Variants in GLIS3 observed in about 807,000 individuals in gnomAD.
The protein encoded by GLIS3 is GLIS family zinc finger 3, also known as zinc finger protein GLIS3.
GLIS3 carries 53 observed loss-of-function variants against 78.6 expected under a neutral mutation model. The ratio of observed to expected loss-of-function variants is 0.67; its 90% confidence interval spans 0.54 to 0.85. GLIS3 has a LOEUF of 0.85. Ranked by LOEUF, GLIS3 falls within the 40% of genes least tolerant of loss-of-function variation. The probability of loss-of-function intolerance (pLI) is 0.00; values close to 1 mark genes in which losing one functional copy is unlikely to be tolerated. For synonymous variants in GLIS3, 684 were observed against 509.9 expected (o/e 1.34, Z -4.60); for missense variants, 1,703 against 1,231.1 (o/e 1.38, Z -5.74).
chr9:4,093,399 A>C (rs1229999049), intron 4 of GLIS3, among the ~76,000 whole-genome samples: 1 of 152,226 alleles, frequency 6.6e-6, no homozygotes, highest in Non-Finnish European at 1.5e-5. Flanking sequence ...GAACCAAAGC[A>C]TGTGGAAGAC....
chr9:4,034,221 C>CA lies in GLIS3; in HGVS notation c.1710+83546dup, dbSNP rs1029017849. Among the ~76,000 whole-genome samples, 166 of 151,054 alleles carry CA rather than the reference C, an allele frequency of 1.1e-3. 3 individuals are homozygous for CA. Among genetic ancestry groups the CA allele is most frequent in the African/African-American group, 3.8e-3 (156 of 41,222 alleles). On this transcript the variant is annotated intron_variant, in intron 4 of 10. Transcript: ENST00000381971. ...TGGGCAACACAGTAGCACCTTGTCT[C>CA]AAAAAAAAGTCGTAACAGATCCCCA...
At chr9:3,920,723 A>T (rs1169073986) in intron 6 of GLIS3, among the ~76,000 whole-genome samples, 2 of 151,604 alleles carry the variant, frequency 1.3e-5, no homozygotes, top group Non-Finnish European at 2.9e-5. Context: ...TGTACACATG[A>T]GGAAATGAAA....
chr9:3,963,091 A>G (rs1817689000), intron 4 of GLIS3, among the ~76,000 whole-genome samples: 1 of 152,180 alleles, frequency 6.6e-6, no homozygotes, highest in East Asian at 1.9e-4. Context: ...GTATAATTAC[A>G]TGGTATAAAT....
the GLIS3 span, among the ~76,000 whole-genome samples, chr9:4,379,979 CT>C: frequency 0.97 from 147,661 of 152,254 alleles, 71,740 homozygotes; most frequent in East Asian, 1. Context: ...CCCAGGAGGA[CT>C]TGGGTTCCAA....
intron 2 of GLIS3, among the ~76,000 whole-genome samples, chr9:4,267,504 C>T (rs1291928564): frequency 1.3e-5 from 2 of 152,100 alleles, no homozygotes; most frequent in African/African-American, 4.8e-5. Flanking sequence ...CCCACAGTAC[C>T]CAAATATCTG....
At chr9:3,928,249 T>A (rs1272069337) in intron 6 of GLIS3, among the ~76,000 whole-genome samples, 1 of 152,134 alleles carries the variant, frequency 6.6e-6, no homozygotes, top group Non-Finnish European at 1.5e-5. Context: ...ATTACTAATA[T>A]TCTATTAATA....
chr9:3,923,208 C>G (rs573945935), intron 6 of GLIS3, among the ~76,000 whole-genome samples: 7 of 152,174 alleles, frequency 4.6e-5, no homozygotes, highest in Non-Finnish European at 1.0e-4. Context: ...CACATTACCA[C>G]TATAATTATC....
chr9:4,139,248 C>A (rs1030389502), intron 2 of GLIS3, among the ~76,000 whole-genome samples: 2 of 152,218 alleles, frequency 1.3e-5, no homozygotes, highest in African/African-American at 4.8e-5. Context: ...AATGGCAAAG[C>A]TGCCTCTGGG....
chr9:4,287,296 T>C (rs1471618011), intron 1 of GLIS3, among the ~76,000 whole-genome samples: 1 of 152,148 alleles, frequency 6.6e-6, no homozygotes, highest in Non-Finnish European at 1.5e-5. Flanking sequence ...AGTATGTACA[T>C]GATACATGAC....
At chr9:4,479,437 G>T in the GLIS3 span, among the ~76,000 whole-genome samples, 1,733 of 152,136 alleles carry the variant, frequency 0.011, 36 homozygotes, top group African/African-American at 0.039. Flanking sequence ...CTCAATTAGG[G>T]CTCAGGGCAT....
At chr9:4,398,495 A>G in the GLIS3 span, among the ~76,000 whole-genome samples, 4 of 151,832 alleles carry the variant, frequency 2.6e-5, no homozygotes, top group Non-Finnish European at 5.9e-5. Context: ...TGGACATTGC[A>G]TTGAGGGGGT....
At chr9:3,837,268 C>T (rs1818409037) in intron 9 of GLIS3, among the ~76,000 whole-genome samples, 1 of 152,146 alleles carries the variant, frequency 6.6e-6, no homozygotes, top group South Asian at 2.1e-4. Context: ...AAAACTGAAA[C>T]CAGTGATAAC....
In GLIS3 at chr9:3,891,080, AAG is replaced by A. The variant is rs1554640427; in HGVS notation, c.2128+7609_2128+7610del. On this transcript the variant is annotated intron_variant, in intron 7 of 10. Coordinates refer to ENST00000381971, the MANE Select transcript of GLIS3 (RefSeq NM_001042413.2). Reference sequence around the variant, plus strand: ...CCTTCCTTCCTCAAAAAAAAAAAAAAAGAAGAAGAAGAAAGTAGGAGGAAGAG... The same window carrying A: ...CCTTCCTTCCTCAAAAAAAAAAAAAAAAGAAGAAGAAAGTAGGAGGAAGAG... 1.8e-3 allele frequency among the ~76,000 whole-genome samples: 196 copies of A among 111,380 alleles called. 5 individuals are homozygous for A. Among genetic ancestry groups the A allele is most frequent in the Admixed American group, 3.2e-3 (35 of 10,958 alleles). The allele number at this position is 111,380 out of a possible 152,430, so 73.1% of individuals were successfully genotyped here. A position where few individuals can be genotyped will look rare whatever the true frequency, so the allele number is the denominator to read the frequency against.
chr9:4,333,078 G>C (rs1463292430), intron 2 of GLIS3, among the ~76,000 whole-genome samples: 1 of 152,156 alleles, frequency 6.6e-6, no homozygotes. Context: ...TATCACTCCA[G>C]TTTCACAAAT....
intron 2 of GLIS3, among the ~76,000 whole-genome samples, chr9:4,254,184 G>C (rs1279450213): frequency 6.6e-6 from 1 of 152,186 alleles, no homozygotes; most frequent in Non-Finnish European, 1.5e-5. Context: ...TAGGCATAAA[G>C]TGTACAAACA....
intron 4 of GLIS3, chr9:4,054,477 C>T (rs1394308435): frequency 2.0e-6 from 2 of 985,300 alleles, no homozygotes; most frequent in Non-Finnish European, 2.4e-6. Flanking sequence ...ATTCTTCAGT[C>T]AGGGCCTACG....
chr9:3,969,459 G>A (rs988971711), intron 4 of GLIS3, among the ~76,000 whole-genome samples: 1 of 152,150 alleles, frequency 6.6e-6, no homozygotes, highest in Non-Finnish European at 1.5e-5. Context: ...CCTTCTTTTG[G>A]TCTTGCACAT....
chr9:4,322,608 A>T (rs138163368), intron 2 of GLIS3, among the ~76,000 whole-genome samples: 10,319 of 152,152 alleles, frequency 0.068, 1,155 homozygotes, highest in African/African-American at 0.23. Flanking sequence ...CCATTCTAAC[A>T]GGTGTGAGAT....
At chr9:4,138,247 C>A (rs1416558850) in intron 2 of GLIS3, among the ~76,000 whole-genome samples, 1 of 152,166 alleles carries the variant, frequency 6.6e-6, no homozygotes, top group Non-Finnish European at 1.5e-5. Flanking sequence ...GGAGGGAGAA[C>A]GCATATTGTC....
Sources: allele counts gnomAD v4.1 joint callset (sites outside exome capture counted in the v4.1 genomes callset), GRCh38; gene constraint gnomAD v4.1.1; transcripts MANE v1.5; gene names NCBI Gene and HGNC (gene_info 2026-07-23, HGNC 2026-07-21).